Variants in IGF2BP1 observed in about 807,000 individuals in gnomAD.
The protein encoded by IGF2BP1 is insulin-like growth factor 2 mRNA-binding protein 1.
IGF2BP1 carries 11 observed loss-of-function variants against 74.9 expected under a neutral mutation model. The ratio of observed to expected loss-of-function variants is 0.15; its 90% confidence interval spans 0.09 to 0.24. IGF2BP1 has a LOEUF of 0.24. Among genes scored for constraint, IGF2BP1 ranks in the 10% least tolerant of loss-of-function variants. The pLI, the probability that IGF2BP1 is intolerant of heterozygous loss-of-function variation, is 1.00. For missense variants in IGF2BP1, 440 were observed against 757.4 expected (o/e 0.58, Z 4.92); for synonymous variants, 287 against 281.8 (o/e 1.02, Z -0.18).
intron 4 of IGF2BP1, among the ~76,000 whole-genome samples, chr17:49,029,660 C>T (rs2041899440): frequency 6.6e-6 from 1 of 152,108 alleles, no homozygotes. Context: ...CAGAGTCTAG[C>T]TCTGCCTCCT....
rs1043339845 is a variant in IGF2BP1 at position 49,026,374 on chromosome 17, C to T, written c.286-92C>T. On this transcript the variant is annotated intron_variant, in intron 3 of 14. Coordinates refer to ENST00000290341, the MANE Select transcript of IGF2BP1 (RefSeq NM_006546.4). ...AACACTCCTATGGCTCTGTCAATGC[C>T]CGATTGCTTTGGGATGCAGGGTGTC... The T allele has an allele frequency of 3.6e-6, 4 of 1,108,988 alleles. No homozygotes were observed. The East Asian group carries it at 9.4e-5, about 26-fold the overall frequency. 68.7% of individuals were successfully genotyped at this position (1,108,988 alleles called of 1,614,324 possible).
chr17:49,043,610 G>C (rs1256780190), intron 10 of IGF2BP1, 60 bp downstream of exon 10: 4 of 1,581,918 alleles, frequency 2.5e-6, no homozygotes, highest in Admixed American at 3.5e-5. Flanking sequence ...CCCTTAAGGG[G>C]GACTCAGCAT....
intron 2 of IGF2BP1, chr17:49,014,755 A>G (rs1377952430): frequency 1.0e-6 from 1 of 985,192 alleles, no homozygotes; most frequent in African/African-American, 1.7e-5. Context: ...GCTGGTGCCC[A>G]GATGTTTGCC....
At position 49,031,912 on chromosome 17, in the gene IGF2BP1, A is replaced by C. The variant is rs1317534592; in HGVS notation, c.340A>C (p.Asn114His). 1 of 1,613,424 alleles carries C rather than the reference A, an allele frequency of 6.2e-7. No homozygotes were observed. Among genetic ancestry groups the C allele is most frequent in the Non-Finnish European group, 8.5e-7 (1 of 1,179,812 alleles). Reference protein sequence around the residue: ...YGTVENCEQVNTESETAVVNV... With the variant: ...YGTVENCEQVHTESETAVVNV... ...GTTATCCTCTCTTTTCTCTGCAGTG[A>C]ACACCGAGAGTGAGACGGCAGTGGT... is the stretch of plus-strand genomic sequence containing the variant. Residue 114 changes from asparagine (N) to histidine (H), a missense_variant and splice_region_variant, in exon 5 of 15, where the codon AAC becomes CAC. Transcript: ENST00000290341.
At chr17:49,018,507 A>C (rs1275365370) in intron 2 of IGF2BP1, among the ~76,000 whole-genome samples, 1 of 152,134 alleles carries the variant, frequency 6.6e-6, no homozygotes, top group African/African-American at 2.4e-5. Flanking sequence ...AAATTGTGTT[A>C]GGTGGGGATG....
chr17:49,019,931 TA>T (rs2041761932), intron 2 of IGF2BP1, among the ~76,000 whole-genome samples: 7 of 63,310 alleles, frequency 1.1e-4, no homozygotes, highest in Admixed American at 1.7e-4. Context: ...TATATATATA[TA>T]TATATATATA....
rs2042210328 is a variant in IGF2BP1 at position 49,055,091 on chromosome 17, T to C, written c.*5647T>C. On this transcript the variant is annotated 3_prime_UTR_variant, in exon 15 of 15. Transcript: ENST00000290341. ...GGTTAGGGGGGGAAAAAGATTTCTT[T>C]TTCCAAAGGAAAAAAATATTACCTT... 1.3e-5 allele frequency: 2 copies of C among 151,596 alleles called. No homozygotes were observed. Among genetic ancestry groups the C allele is most frequent in the South Asian group, 2.1e-4 (1 of 4,792 alleles). 9.4% of individuals were successfully genotyped at this position (151,596 alleles called of 1,614,324 possible).
At position 49,026,671 on chromosome 17, in the gene IGF2BP1, T is replaced by TCCTTCCGG. The variant is rs1555599038; in HGVS notation, c.337+160_337+161insGGCCTTCC. Among the ~76,000 whole-genome samples, 56 of 134,464 alleles carry TCCTTCCGG rather than the reference T, an allele frequency of 4.2e-4. No individual in the cohort carries two copies. The East Asian group carries it at 9.4e-3, about 23-fold the overall frequency. The allele number at this position is 134,464 out of a possible 152,430, so 88.2% of individuals were successfully genotyped here. ...TGCCTGCCTTCCTGCCTTCCTGCCT[T>TCCTTCCGG]CCTTCCTGCCTTCCTGCCTTCCTGC... On this transcript the variant is annotated intron_variant, in intron 4 of 14. Transcript: ENST00000290341.
intron 4 of IGF2BP1, among the ~76,000 whole-genome samples, 179 bp from the exon 5 acceptor site, chr17:49,031,731 G>A (rs1252882100): frequency 1.3e-5 from 2 of 151,898 alleles, no homozygotes; most frequent in Admixed American, 1.3e-4. Context: ...TGGTCTCCTG[G>A]GCTCAAGTGA....
chr17:49,008,453 TTAGAA>T (rs2041577710), intron 2 of IGF2BP1, among the ~76,000 whole-genome samples: 1 of 152,212 alleles, frequency 6.6e-6, no homozygotes, highest in African/African-American at 2.4e-5. Context: ...TGTTGGCTTT[TTAGAA>T]TAGAGTGGAG....
intron 2 of IGF2BP1, among the ~76,000 whole-genome samples, chr17:49,022,654 T>C (rs1484491251): frequency 1.3e-5 from 2 of 152,166 alleles, no homozygotes; most frequent in African/African-American, 4.8e-5. Flanking sequence ...ACGATCTGCC[T>C]GCCATTGCTT....
At chr17:48,999,341 G>A (rs761969220) in intron 2 of IGF2BP1, among the ~76,000 whole-genome samples, 172 bp downstream of exon 2, 1 of 123,612 alleles carries the variant, frequency 8.1e-6, no homozygotes, top group African/African-American at 3.3e-5. Flanking sequence ...CTTGTAATGG[G>A]TGGTTTACAG....
intron 5 of IGF2BP1, among the ~76,000 whole-genome samples, chr17:49,034,759 A>C (rs532033363): frequency 0.012 from 1,643 of 141,022 alleles, 46 homozygotes; most frequent in African/African-American, 0.043. Flanking sequence ...AAAAAAACAA[A>C]AAAAACAAAA....
chr17:49,020,767 A>G (rs147501089), intron 2 of IGF2BP1, among the ~76,000 whole-genome samples: 46 of 152,252 alleles, frequency 3.0e-4, no homozygotes, highest in African/African-American at 8.9e-4. Flanking sequence ...CCAGCAGCGT[A>G]TTTCCATAGT....
At chr17:49,035,810 A>T (rs977007545) in intron 5 of IGF2BP1, among the ~76,000 whole-genome samples, 6 of 152,204 alleles carry the variant, frequency 3.9e-5, no homozygotes, top group African/African-American at 1.4e-4. Context: ...AGGGGTAGTC[A>T]GATTCCAGCC....
intron 5 of IGF2BP1, among the ~76,000 whole-genome samples, chr17:49,032,183 G>A (rs1361339461): frequency 4.6e-5 from 7 of 152,138 alleles, no homozygotes; most frequent in African/African-American, 1.7e-4. Context: ...GGATCTCAAA[G>A]GCTCAGAAAC....
chr17:49,035,560 G>A (rs2041976558), intron 5 of IGF2BP1, among the ~76,000 whole-genome samples: 4 of 152,198 alleles, frequency 2.6e-5, no homozygotes, highest in South Asian at 4.1e-4. Context: ...TGGGTAGGCT[G>A]GGACCTCGCA....
At chr17:49,028,295 T>TG (rs2041881523) in intron 4 of IGF2BP1, among the ~76,000 whole-genome samples, 1 of 152,202 alleles carries the variant, frequency 6.6e-6, no homozygotes, top group African/African-American at 2.4e-5. Flanking sequence ...GATAATCACT[T>TG]GGTTTGAGAT....
chr17:49,010,835 A>T (rs1359602944), intron 2 of IGF2BP1, among the ~76,000 whole-genome samples: 3 of 152,064 alleles, frequency 2.0e-5, no homozygotes, highest in Non-Finnish European at 2.9e-5. Context: ...AATGGGAGGC[A>T]CACAAACTCA....
Sources: allele counts gnomAD v4.1 joint callset (sites outside exome capture counted in the v4.1 genomes callset), GRCh38; gene constraint gnomAD v4.1.1; transcripts MANE v1.5; gene names NCBI Gene and HGNC (gene_info 2026-07-23, HGNC 2026-07-21).